MAF: variants seen among roughly 807,000 people sequenced by gnomAD.
The protein encoded by MAF is transcription factor Maf.
A neutral mutation model predicts 22.0 loss-of-function variants in MAF; 10 were observed. That is an observed-to-expected ratio of 0.45 (90% confidence interval 0.28 to 0.77). The LOEUF (loss-of-function observed/expected upper bound fraction) is 0.77. MAF is among the 30% of genes least tolerant of loss of function. The pLI is 0.12. For synonymous variants in MAF, 337 were observed against 255.8 expected (o/e 1.32, Z -3.03); for missense variants, 544 against 548.4 (o/e 0.99, Z 0.08).
the MAF span, among the ~76,000 whole-genome samples, chr16:79,556,011 G>A: frequency 9.6e-3 from 1,459 of 151,868 alleles, 29 homozygotes; most frequent in African/African-American, 0.032. Context: ...AGTTTGTTTT[G>A]TTAGTTTAGT....
chr16:79,349,541 C>G, the MAF span, among the ~76,000 whole-genome samples: 1 of 152,196 alleles, frequency 6.6e-6, no homozygotes, highest in Non-Finnish European at 1.5e-5. Flanking sequence ...AACTAACCAC[C>G]AGCAGACACC....
At chr16:79,573,897 G>C in the MAF span, among the ~76,000 whole-genome samples, 1 of 152,186 alleles carries the variant, frequency 6.6e-6, no homozygotes, top group Non-Finnish European at 1.5e-5. Flanking sequence ...AGATTGCAAA[G>C]ATGTCATCTT....
chr16:79,375,713 C>G, the MAF span, among the ~76,000 whole-genome samples: 6 of 152,246 alleles, frequency 3.9e-5, no homozygotes, highest in African/African-American at 1.4e-4. Flanking sequence ...AACATCACAT[C>G]ACAAATGGGG....
At chr16:79,320,421 G>A in the MAF span, among the ~76,000 whole-genome samples, 2 of 152,178 alleles carry the variant, frequency 1.3e-5, no homozygotes, top group Admixed American at 1.3e-4. Context: ...TGCTTCATGA[G>A]GCAGAGTGGG....
chr16:79,425,990 A>T, the MAF span, among the ~76,000 whole-genome samples: 2 of 152,202 alleles, frequency 1.3e-5, no homozygotes, highest in Non-Finnish European at 2.9e-5. Context: ...GCGGATCACC[A>T]GATCAGGAGA....
chr16:79,494,117 T>A, the MAF span, among the ~76,000 whole-genome samples: 14 of 152,270 alleles, frequency 9.2e-5, no homozygotes, highest in Admixed American at 9.2e-4. Flanking sequence ...GTTGTATTGG[T>A]TTTCCATTGC....
At chr16:79,222,502 G>A in the MAF span, among the ~76,000 whole-genome samples, 1 of 151,850 alleles carries the variant, frequency 6.6e-6, no homozygotes, top group Admixed American at 6.6e-5. Flanking sequence ...AAAACTTAAA[G>A]TATAATAATA....
chr16:79,220,023 A>AGGTGGGCAGATCACC, the MAF span, among the ~76,000 whole-genome samples: 1 of 152,132 alleles, frequency 6.6e-6, no homozygotes, highest in Non-Finnish European at 1.5e-5. Flanking sequence ...TGGGATGCCA[A>AGGTGGGCAGATCACC]GGTGGGCAGA....
the MAF span, among the ~76,000 whole-genome samples, chr16:79,367,295 A>T: frequency 2.6e-5 from 4 of 152,194 alleles, no homozygotes; most frequent in African/African-American, 9.7e-5. Context: ...GCTATTGATC[A>T]GTTGTACCTT....
the MAF span, among the ~76,000 whole-genome samples, chr16:79,499,024 C>A: frequency 6.6e-6 from 1 of 152,138 alleles, no homozygotes; most frequent in Non-Finnish European, 1.5e-5. Flanking sequence ...GAGTAGGAAG[C>A]CCTCCCCAGA....
chr16:79,225,852 T>C, the MAF span, among the ~76,000 whole-genome samples: 1 of 152,178 alleles, frequency 6.6e-6, no homozygotes, highest in Non-Finnish European at 1.5e-5. Flanking sequence ...CCAGTTAGAA[T>C]GGTGATCATT....
the MAF span, among the ~76,000 whole-genome samples, chr16:79,462,457 G>GGGGAGCAC: frequency 2.3e-3 from 349 of 152,262 alleles, 1 homozygote; most frequent in African/African-American, 8.1e-3. Flanking sequence ...TGAGTTTAAT[G>GGGGAGCAC]TCTAAACTTC....
chr16:79,252,442 G>A, the MAF span, among the ~76,000 whole-genome samples: 2 of 152,100 alleles, frequency 1.3e-5, no homozygotes, highest in African/African-American at 4.8e-5. Context: ...CCCATGGGCT[G>A]TCATTTGCTG....
chr16:79,429,962 T>C, the MAF span, among the ~76,000 whole-genome samples: 1 of 152,176 alleles, frequency 6.6e-6, no homozygotes, highest in South Asian at 2.1e-4. Context: ...AGGGCAGGAA[T>C]ACAGGCTGTG....
At chr16:79,519,259 A>C in the MAF span, among the ~76,000 whole-genome samples, 1 of 152,076 alleles carries the variant, frequency 6.6e-6, no homozygotes, top group African/African-American at 2.4e-5. Flanking sequence ...CCATGTGACC[A>C]CCTCAGAGAT....
the MAF span, among the ~76,000 whole-genome samples, chr16:79,293,589 G>T: frequency 6.6e-6 from 1 of 152,212 alleles, no homozygotes; most frequent in African/African-American, 2.4e-5. Context: ...AAATTGCTCA[G>T]TGAGGTCAGA....
the MAF span, among the ~76,000 whole-genome samples, chr16:79,381,144 G>A: frequency 1.3e-5 from 2 of 151,952 alleles, no homozygotes; most frequent in African/African-American, 4.8e-5. Context: ...AGAGATCAAT[G>A]ATAAGTAGAA....
chr16:79,563,225 T>C, the MAF span, among the ~76,000 whole-genome samples: 3 of 152,322 alleles, frequency 2.0e-5, no homozygotes, highest in African/African-American at 7.2e-5. Context: ...CAAGTAACTC[T>C]GAAAACTCTA....
At chr16:79,573,148 C>T in the MAF span, among the ~76,000 whole-genome samples, 1 of 152,118 alleles carries the variant, frequency 6.6e-6, no homozygotes, top group African/African-American at 2.4e-5. Flanking sequence ...TTTCCAGGAG[C>T]TATTTATATT....
Sources: allele counts gnomAD v4.1 joint callset (sites outside exome capture counted in the v4.1 genomes callset), GRCh38; gene constraint gnomAD v4.1.1; transcripts MANE v1.5; gene names NCBI Gene and HGNC (gene_info 2026-07-23, HGNC 2026-07-21).